Variants in PPP4R3A observed in about 807,000 individuals in gnomAD.
The protein encoded by PPP4R3A is serine/threonine-protein phosphatase 4 regulatory subunit 3A.
Under a neutral mutation model 91.7 loss-of-function variants are expected in PPP4R3A, and 15 were observed. The observed-to-expected ratio is 0.16, with a 90% confidence interval of 0.11 to 0.25. The LOEUF (loss-of-function observed/expected upper bound fraction) is 0.25, where lower values mean the gene tolerates loss of function less well. Ranked by LOEUF, PPP4R3A falls within the 10% of genes least tolerant of loss-of-function variation. PPP4R3A has a pLI of 1.00. For synonymous variants in PPP4R3A, 377 were observed against 348.7 expected (o/e 1.08, Z -0.91); for missense variants, 623 against 998.4 (o/e 0.62, Z 5.07).
chr14:91,461,924 G>A, intron 13 of PPP4R3A, 125 bp downstream of exon 13: 2 of 1,376,752 alleles, frequency 1.5e-6, no homozygotes, highest in South Asian at 3.4e-5. Flanking sequence ...ATCCCATAAA[G>A]CAATAGAGTC....
At chr14:91,501,030 T>C (rs955270607) in intron 1 of PPP4R3A, among the ~76,000 whole-genome samples, 4 of 152,132 alleles carry the variant, frequency 2.6e-5, no homozygotes, top group Admixed American at 1.3e-4. Flanking sequence ...AGACCCTGTC[T>C]CTAAAATTTA....
At position 91,481,623 on chromosome 14, in the gene PPP4R3A, G is replaced by A. The variant is rs867665153; in HGVS notation, c.868C>T (p.His290Tyr). 1 of 1,600,982 alleles carries A rather than the reference G, an allele frequency of 6.2e-7. No individual in the cohort carries two copies. The highest frequency in any genetic ancestry group is 8.5e-7 in the Non-Finnish European group (1 of 1,176,078). Residue 290 changes from histidine (H) to tyrosine (Y), a missense_variant, in exon 4 of 15, where the codon CAC (histidine) becomes TAC (tyrosine). Coordinates refer to ENST00000554943, the MANE Select transcript of PPP4R3A (RefSeq NM_001366432.2). ...VFEENMLSTLHSFIFFNKVEI... is the reference protein window; with the variant it reads ...VFEENMLSTLYSFIFFNKVEI... ...ACCTTATTGAAAAAGATAAAAGAGT[G>A]AAGTGTTGATAACATGTTTTCTTCA... is the stretch of plus-strand genomic sequence containing the variant.
At chr14:91,494,506 C>T (rs899764697) in intron 1 of PPP4R3A, among the ~76,000 whole-genome samples, 24 of 152,086 alleles carry the variant, frequency 1.6e-4, no homozygotes, top group African/African-American at 5.3e-4. Flanking sequence ...AACGGATATA[C>T]AAAAAACTAG....
At chr14:91,474,734 C>A (rs1889078510) in intron 7 of PPP4R3A, 1 of 151,806 alleles carries the variant, frequency 6.6e-6, no homozygotes, top group Non-Finnish European at 1.5e-5. Flanking sequence ...GAGACTCTTC[C>A]TTCTCATCCT....
chr14:91,497,323 C>T (rs1890632557), intron 1 of PPP4R3A, among the ~76,000 whole-genome samples: 1 of 144,608 alleles, frequency 6.9e-6, no homozygotes, highest in Non-Finnish European at 1.5e-5. Context: ...CCTTATCTCC[C>T]AAGAGGAATC....
At position 91,481,618 on chromosome 14, in the gene PPP4R3A, A is replaced by G. The variant is rs1236858047; in HGVS notation, c.873T>C (p.Ser291=). The G allele has an allele frequency of 6.3e-7, 1 of 1,596,930 alleles. No individual in the cohort carries two copies. The highest frequency in any genetic ancestry group is 1.8e-5 in the Admixed American group (1 of 55,548). ...FEENMLSTLH[S]FIFFNKVEIV... is the part of the protein sequence containing the mutation. ...TCTCTACCTTATTGAAAAAGATAAA[A>G]GAGTGAAGTGTTGATAACATGTTTT... Residue 291 remains serine, a synonymous_variant, in exon 4 of 15, where the codon TCT becomes TCC. Transcript: ENST00000554943.
chr14:91,507,319 C>T (rs1421320151), intron 1 of PPP4R3A, among the ~76,000 whole-genome samples: 5 of 140,950 alleles, frequency 3.5e-5, no homozygotes, highest in African/African-American at 1.3e-4. Flanking sequence ...AAAACCCAAT[C>T]TCAAAAAAAA....
In PPP4R3A at chr14:91,458,459, G is replaced by C; in HGVS notation, c.*300C>G. ...TTGTAGCAACTGACCAGTCAATCCA[G>C]AGTTCCACTTACAAAACCCCTGCCC... is the stretch of plus-strand genomic sequence containing the variant. On this transcript the variant is annotated 3_prime_UTR_variant, in exon 15 of 15. Coordinates refer to ENST00000554943, the MANE Select transcript of PPP4R3A (RefSeq NM_001366432.2). The C allele has an allele frequency of 2.3e-6, 1 of 432,716 alleles. No homozygotes were observed. The highest frequency in any genetic ancestry group is 2.2e-5 in the South Asian group (1 of 45,738). 26.8% of individuals were successfully genotyped at this position (432,716 alleles called of 1,614,324 possible).
At chr14:91,463,538 A>G (rs376389258) in intron 11 of PPP4R3A, among the ~76,000 whole-genome samples, 4 of 152,044 alleles carry the variant, frequency 2.6e-5, no homozygotes, top group South Asian at 4.2e-4. Flanking sequence ...GGCTCAAGCA[A>G]TCCTCCCACC....
At position 91,461,634 on chromosome 14, in the gene PPP4R3A, C is replaced by T. The variant is rs560373849; in HGVS notation, c.2165-27G>A. The T allele has an allele frequency of 8.6e-5, 137 of 1,599,636 alleles. No homozygotes were observed. The South Asian group carries it at 1.3e-3, about 15-fold the overall frequency. The stretch of plus-strand genomic sequence containing the variant: ...TAAAAATGAGAATACTGTCAATAGT[C>T]GTCCCCCATACTTCTTTTTTAAATT... On this transcript the variant is annotated intron_variant, in intron 13 of 14. Transcript: ENST00000554943.
At chr14:91,507,640 A>AGTATATATACACGGAATATATATATAT (rs201065747) in intron 1 of PPP4R3A, among the ~76,000 whole-genome samples, 2 of 129,862 alleles carry the variant, frequency 1.5e-5, no homozygotes, top group South Asian at 2.3e-4. Context: ...ATACTATAAT[A>AGTATATATACACGGAATATATATATAT]ATATATACAC....
Position 91,494,637 on chromosome 14 carries a change from T to C in PPP4R3A, c.143-3835A>G, listed in dbSNP as rs756178557. ...CAGCACTTTGGGAGGCTGAGGCAGG[T>C]GGATCACTTGAGGTCAGGAGTTCGA... On this transcript the variant is annotated intron_variant, in intron 1 of 14. Transcript: ENST00000554943. 1.1e-3 allele frequency among the ~76,000 whole-genome samples: 171 copies of C among 152,104 alleles called. 1 individual carries two copies. Among genetic ancestry groups the C allele is most frequent in the Non-Finnish European group, 5.4e-4 (37 of 68,000 alleles).
At chr14:91,505,550 G>A (rs1891245928) in intron 1 of PPP4R3A, among the ~76,000 whole-genome samples, 1 of 151,678 alleles carries the variant, frequency 6.6e-6, no homozygotes, top group Non-Finnish European at 1.5e-5. Context: ...CTATTTCTAA[G>A]GTGGATGATT....
Position 91,481,923 on chromosome 14 carries a change from G to A in PPP4R3A, c.568C>T (p.His190Tyr). Residue 190 changes from histidine (H) to tyrosine (Y), a missense_variant, in exon 4 of 15, where the codon CAC (histidine) becomes TAC (tyrosine). His to Tyr is a moderately conservative substitution (Grantham distance 83). Around this residue, in one of 5 missense-constraint regions of PPP4R3A, gnomAD observed 264 missense variants for 377.3 expected, o/e 0.70. Coordinates refer to ENST00000554943, the MANE Select transcript of PPP4R3A (RefSeq NM_001366432.2). Reference sequence around the variant, plus strand: ...CCTTTGATAATTTCATACAAGTGGTGCAGTCCTTCAATATTTTCCAAATCT... The same window carrying A: ...CCTTTGATAATTTCATACAAGTGGTACAGTCCTTCAATATTTTCCAAATCT... The part of the protein sequence containing the change: ...CEDLENIEGL[H>Y]HLYEIIKGIF... 6.2e-7 allele frequency: 1 copy of A among 1,613,968 alleles called. No homozygotes were observed. The highest frequency in any genetic ancestry group is 8.5e-7 in the Non-Finnish European group (1 of 1,180,004).
intron 9 of PPP4R3A, among the ~76,000 whole-genome samples, chr14:91,472,325 T>C (rs551947261): frequency 2.0e-4 from 30 of 152,318 alleles, no homozygotes; most frequent in Non-Finnish European, 4.0e-4. Flanking sequence ...AAATGAATTT[T>C]TTCATAGCTA....
chr14:91,466,545 G>T, intron 10 of PPP4R3A: 1 of 525,280 alleles, frequency 1.9e-6, no homozygotes, highest in Non-Finnish European at 2.4e-6. Flanking sequence ...TTATTTAAGA[G>T]TGTATCTTTC....
chr14:91,490,714 T>G lies in PPP4R3A; in HGVS notation c.198+33A>C, dbSNP rs112852451. ...AACTTTCATTTACTCAAAAGGAAAA[T>G]ATGCAAGATAAAACACATCTTCAAA... is the stretch of plus-strand genomic sequence containing the variant. On this transcript the variant is annotated intron_variant, in intron 2 of 14. Coordinates refer to ENST00000554943, the MANE Select transcript of PPP4R3A (RefSeq NM_001366432.2). 857 of 1,567,494 alleles carry G rather than the reference T, an allele frequency of 5.5e-4. 10 individuals are homozygous for G. The African/African-American group carries it at 9.6e-3, about 18-fold the overall frequency.
intron 2 of PPP4R3A, 65 bp from the exon 3 acceptor site, chr14:91,485,795 A>C: frequency 9.3e-7 from 1 of 1,079,092 alleles, no homozygotes; most frequent in Non-Finnish European, 1.3e-6. Flanking sequence ...ATGAACAAAC[A>C]AAAGGAAATA....
chr14:91,462,699 T>A lies in PPP4R3A; in HGVS notation c.1973+36A>T, dbSNP rs115038412. The A allele has an allele frequency of 1.1e-3, 1,749 of 1,611,542 alleles. 9 individuals carry two copies. The African/African-American group carries it at 0.021, about 19-fold the overall frequency. The stretch of plus-strand genomic sequence containing the variant: ...ATAAAGCCACTACCATACGACTTGA[T>A]GCTGAACGAATAGGTTTAAATATAT... On this transcript the variant is annotated intron_variant, in intron 12 of 14. Coordinates refer to ENST00000554943, the MANE Select transcript of PPP4R3A (RefSeq NM_001366432.2).
Sources: allele counts gnomAD v4.1 joint callset (sites outside exome capture counted in the v4.1 genomes callset), GRCh38; gene constraint gnomAD v4.1.1; regional missense constraint gnomAD v4.1.1; transcripts MANE v1.5; gene names NCBI Gene and HGNC (gene_info 2026-07-23, HGNC 2026-07-21).